Variants in PKIA observed in about 807,000 individuals in gnomAD.
PKIA encodes the protein cAMP-dependent protein kinase inhibitor alpha.
Under a neutral mutation model 7.6 loss-of-function variants are expected in PKIA, and 4 were observed. That is an observed-to-expected ratio of 0.52 (90% CI 0.26 to 1.20). The LOEUF (loss-of-function observed/expected upper bound fraction) is 1.20. Among genes scored for constraint, PKIA ranks in the 50% most tolerant of loss-of-function variants. The pLI, the probability that PKIA is intolerant of heterozygous loss-of-function variation, is 0.13. For synonymous variants in PKIA, 21 were observed against 30.7 expected (o/e 0.68, Z 1.04); for missense variants, 73 against 86.2 (o/e 0.85, Z 0.61).
intron 1 of PKIA, among the ~76,000 whole-genome samples, chr8:78,528,296 G>A (rs1806299124): frequency 6.6e-6 from 1 of 151,996 alleles, no homozygotes; most frequent in African/African-American, 2.4e-5. Flanking sequence ...TTGATTAATG[G>A]TGCCTATTTT....
At chr8:78,566,546 G>A (rs1413691038) in intron 1 of PKIA, among the ~76,000 whole-genome samples, 3 of 152,024 alleles carry the variant, frequency 2.0e-5, no homozygotes, top group African/African-American at 4.8e-5. Flanking sequence ...TGGCAACCAC[G>A]AGTGCCAGCA....
chr8:78,593,072 A>G (rs1034006485), intron 2 of PKIA, among the ~76,000 whole-genome samples: 1 of 152,196 alleles, frequency 6.6e-6, no homozygotes, highest in African/African-American at 2.4e-5. Context: ...TTGTTTTCCT[A>G]CTTTACATCA....
At chr8:78,572,749 T>C (rs1459673923) in intron 1 of PKIA, 62 bp from the exon 2 acceptor site, 1 of 152,058 alleles carries the variant, frequency 6.6e-6, no homozygotes, top group African/African-American at 2.4e-5. Context: ...TTGCTTAAAA[T>C]TTTTAAAAAT....
At chr8:78,595,879 G>A (rs1808215463) in intron 2 of PKIA, among the ~76,000 whole-genome samples, 1 of 152,068 alleles carries the variant, frequency 6.6e-6, no homozygotes, top group African/African-American at 2.4e-5. Context: ...TATTCCTTTG[G>A]GTGTATACCC....
chr8:78,570,781 C>G (rs1160099105), intron 1 of PKIA, among the ~76,000 whole-genome samples: 1 of 152,058 alleles, frequency 6.6e-6, no homozygotes. Context: ...TATGGCATTT[C>G]TTTCTGTTCT....
chr8:78,524,801 G>A (rs1296346205), intron 1 of PKIA, among the ~76,000 whole-genome samples: 1 of 151,808 alleles, frequency 6.6e-6, no homozygotes, highest in African/African-American at 2.4e-5. Context: ...AACGTAAATT[G>A]TTATTTCATA....
intron 1 of PKIA, among the ~76,000 whole-genome samples, chr8:78,546,056 C>A (rs1420357933): frequency 1.3e-5 from 2 of 152,152 alleles, no homozygotes; most frequent in Non-Finnish European, 2.9e-5. Context: ...AGCTCACTAG[C>A]CACAGAGAGG....
chr8:78,521,487 G>A (rs1005733532), intron 1 of PKIA, among the ~76,000 whole-genome samples: 4 of 151,860 alleles, frequency 2.6e-5, no homozygotes, highest in African/African-American at 4.8e-5. Context: ...GTTCAAAGAG[G>A]TGTGACAAGA....
intron 1 of PKIA, among the ~76,000 whole-genome samples, chr8:78,518,217 T>C (rs568930665): frequency 1.3e-5 from 2 of 152,232 alleles, no homozygotes. Flanking sequence ...CAAAGCCCAC[T>C]ACTGAGTGAT....
chr8:78,548,836 C>T (rs1239802475), intron 1 of PKIA, among the ~76,000 whole-genome samples: 1 of 151,916 alleles, frequency 6.6e-6, no homozygotes, highest in Non-Finnish European at 1.5e-5. Context: ...TCTACATCTA[C>T]AATATATGAT....
At chr8:78,532,286 T>G (rs2118365704) in intron 1 of PKIA, among the ~76,000 whole-genome samples, 1 of 152,096 alleles carries the variant, frequency 6.6e-6, no homozygotes, top group Admixed American at 6.6e-5. Flanking sequence ...GTCCATAAAT[T>G]TTAGTAAGGT....
chr8:78,580,044 A>G (rs896508200), intron 2 of PKIA, among the ~76,000 whole-genome samples: 1 of 152,070 alleles, frequency 6.6e-6, no homozygotes, highest in South Asian at 2.1e-4. Context: ...AAAGACCACT[A>G]CAGATACTAT....
intron 1 of PKIA, among the ~76,000 whole-genome samples, chr8:78,520,810 GCT>G (rs1339128214): frequency 6.6e-6 from 1 of 152,114 alleles, no homozygotes; most frequent in Non-Finnish European, 1.5e-5. Flanking sequence ...ATTCACTAAA[GCT>G]CTCTTTACAG....
intron 2 of PKIA, among the ~76,000 whole-genome samples, chr8:78,576,712 T>C (rs1299511208): frequency 1.3e-5 from 2 of 152,032 alleles, no homozygotes; most frequent in Admixed American, 6.6e-5. Flanking sequence ...GCAATGGACC[T>C]CTACAGTCCC....
At chr8:78,554,372 A>G (rs1205107205) in intron 1 of PKIA, among the ~76,000 whole-genome samples, 1 of 151,976 alleles carries the variant, frequency 6.6e-6, no homozygotes, top group Non-Finnish European at 1.5e-5. Context: ...CTAAAGGAAG[A>G]GAAAGCTTTT....
chr8:78,560,879 T>C (rs534823768), intron 1 of PKIA, among the ~76,000 whole-genome samples: 42 of 152,284 alleles, frequency 2.8e-4, no homozygotes, highest in African/African-American at 9.9e-4. Flanking sequence ...GAAACCAGGC[T>C]CAGGAAGATT....
intron 1 of PKIA, among the ~76,000 whole-genome samples, chr8:78,570,255 CATAAAG>C (rs1213515454): frequency 7.2e-5 from 11 of 151,922 alleles, no homozygotes; most frequent in Admixed American, 2.6e-4. Context: ...ACTTCTGAAA[CATAAAG>C]AGAAAGGAAA....
intron 2 of PKIA, among the ~76,000 whole-genome samples, chr8:78,583,657 A>C (rs1355839079): frequency 2.6e-5 from 4 of 152,110 alleles, no homozygotes; most frequent in Admixed American, 6.6e-5. Context: ...AAGTCTAAAA[A>C]CACATTTTAG....
At chr8:78,592,331 C>G (rs73244956) in intron 2 of PKIA, among the ~76,000 whole-genome samples, 3,995 of 151,946 alleles carry the variant, frequency 0.026, 77 homozygotes, top group African/African-American at 0.054. Context: ...GATCTATTGT[C>G]TAGGGAAAGA....
Sources: allele counts gnomAD v4.1 joint callset (sites outside exome capture counted in the v4.1 genomes callset), GRCh38; gene constraint gnomAD v4.1.1; transcripts MANE v1.5; gene names NCBI Gene and HGNC (gene_info 2026-07-23, HGNC 2026-07-21).